BTBD9: variants seen among roughly 807,000 people sequenced by gnomAD.
BTBD9 encodes the protein BTB/POZ domain-containing protein 9.
A neutral mutation model predicts 64.3 loss-of-function variants in BTBD9; 49 were observed. The observed-to-expected ratio is 0.76, with a 90% CI of 0.61 to 0.97. BTBD9 has a LOEUF of 0.97. BTBD9 is among the 50% of genes least tolerant of loss of function. BTBD9 has a pLI of 0.00. For synonymous variants in BTBD9, 260 were observed against 274.7 expected (o/e 0.95, Z 0.53); for missense variants, 598 against 762.1 (o/e 0.78, Z 2.53).
chr6:38,262,505 T>C (rs2127538730), intron 8 of BTBD9, among the ~76,000 whole-genome samples: 1 of 152,250 alleles, frequency 6.6e-6, no homozygotes, highest in Admixed American at 6.5e-5. Flanking sequence ...CAGATGTGAT[T>C]TTGCTTACAT....
At chr6:38,372,863 G>A (rs541915692) in intron 6 of BTBD9, among the ~76,000 whole-genome samples, 20 of 152,246 alleles carry the variant, frequency 1.3e-4, no homozygotes, top group African/African-American at 4.8e-4. Context: ...GTATAGCAAA[G>A]GTCTGTCAAA....
intron 6 of BTBD9, among the ~76,000 whole-genome samples, chr6:38,549,218 T>C (rs2127445637): frequency 6.6e-6 from 1 of 152,354 alleles, no homozygotes; most frequent in African/African-American, 2.4e-5. Flanking sequence ...TAAAACATGA[T>C]GCTAAATCCC....
chr6:38,599,546 G>A (rs1394922842), intron 1 of BTBD9, among the ~76,000 whole-genome samples: 2 of 152,206 alleles, frequency 1.3e-5, no homozygotes, highest in African/African-American at 4.8e-5. Context: ...GTAGTTGATA[G>A]CTCAGAGGTA....
chr6:38,419,384 A>G (rs1302964090), intron 6 of BTBD9, among the ~76,000 whole-genome samples: 1 of 152,246 alleles, frequency 6.6e-6, no homozygotes, highest in Non-Finnish European at 1.5e-5. Context: ...TATGGTATAT[A>G]AACGATATCT....
chr6:38,201,052 C>T (rs889491630), intron 9 of BTBD9, among the ~76,000 whole-genome samples: 1 of 151,542 alleles, frequency 6.6e-6, no homozygotes, highest in Non-Finnish European at 1.5e-5. Context: ...AAAAAAAAAT[C>T]CCAAAACCAA....
At chr6:38,300,328 C>A (rs1354646344) in intron 7 of BTBD9, among the ~76,000 whole-genome samples, 1 of 152,120 alleles carries the variant, frequency 6.6e-6, no homozygotes, top group African/African-American at 2.4e-5. Flanking sequence ...TTAGGATTGA[C>A]TTGGCAATGC....
chr6:38,277,337 CT>C (rs1187253487), intron 8 of BTBD9, among the ~76,000 whole-genome samples: 4,394 of 144,750 alleles, frequency 0.03, 148 homozygotes, highest in African/African-American at 0.091. Context: ...ATTTACAGAA[CT>C]TTTTTTTTTT....
At position 38,288,151 on chromosome 6, in the gene BTBD9, C is replaced by A. The variant is rs545177651; in HGVS notation, c.1454+121G>T. On this transcript the variant is annotated intron_variant, in intron 8 of 10. Coordinates refer to ENST00000481247, the MANE Select transcript of BTBD9 (RefSeq NM_001099272.2). The stretch of plus-strand genomic sequence containing the variant: ...TTCGGCTCCCACTCCTTTCTTGATA[C>A]TTAGAGCAAAGAACAGTAGAATTTC... The A allele has an allele frequency of 7.4e-6, 8 of 1,078,450 alleles. No homozygotes were observed. In the East Asian group the frequency reaches 1.7e-4, roughly 23 times the overall value. The allele number at this position is 1,078,450 out of a possible 1,614,324, so 66.8% of individuals were successfully genotyped here.
rs184138485 is a variant in BTBD9, at chr6:38,623,379, C to T, written c.-28+16421G>A. Among the ~76,000 whole-genome samples, 228 of 152,308 alleles carry T rather than the reference C, an allele frequency of 1.5e-3. 1 individual carries two copies. The highest frequency in any genetic ancestry group is 7.6e-4 in the Non-Finnish European group (52 of 68,026). ...GCCACTGCTACAGGAACCATAATAG[C>T]TAGTTTATCTACTTCATTATCCTAC... On this transcript the variant is annotated intron_variant, in intron 1 of 10. Transcript: ENST00000481247.
intron 6 of BTBD9, among the ~76,000 whole-genome samples, chr6:38,461,886 C>A (rs1184234428): frequency 6.6e-6 from 1 of 152,136 alleles, no homozygotes; most frequent in Non-Finnish European, 1.5e-5. Flanking sequence ...GTAGTGGTAT[C>A]TTATTTTAGC....
chr6:38,529,295 C>T (rs1265557537), intron 6 of BTBD9, among the ~76,000 whole-genome samples: 1 of 152,178 alleles, frequency 6.6e-6, no homozygotes, highest in Non-Finnish European at 1.5e-5. Flanking sequence ...AGAGTCTCCA[C>T]CTGGTAATCC....
At chr6:38,489,844 TTGA>T (rs1460504990) in intron 6 of BTBD9, among the ~76,000 whole-genome samples, 2 of 152,368 alleles carry the variant, frequency 1.3e-5, no homozygotes, top group Non-Finnish European at 2.9e-5. Context: ...CATCTTCTTT[TTGA>T]TGATAAGAGC....
At chr6:38,604,848 A>G (rs1028196904) in intron 1 of BTBD9, among the ~76,000 whole-genome samples, 5 of 152,328 alleles carry the variant, frequency 3.3e-5, no homozygotes, top group Non-Finnish European at 7.3e-5. Flanking sequence ...GAAAGAAAAC[A>G]TTAACACTTA....
Position 38,495,175 on chromosome 6 carries a change from A to G in BTBD9, c.1154+82425T>C, listed in dbSNP as rs546912544. ...GGCCTTGCATCTTGTTTCCACCGCT[A>G]CAGATCAAAACAGGCAAATAACATC... On this transcript the variant is annotated intron_variant, in intron 6 of 10. Transcript: ENST00000481247. Among the ~76,000 whole-genome samples the G allele has an allele frequency of 3.3e-5, 5 of 152,340 alleles. No individual in the cohort carries two copies. In the East Asian group the frequency reaches 9.7e-4, roughly 29 times the overall value.
intron 7 of BTBD9, among the ~76,000 whole-genome samples, chr6:38,340,870 T>C (rs1018650542): frequency 4.6e-5 from 7 of 152,180 alleles, no homozygotes; most frequent in African/African-American, 1.7e-4. Flanking sequence ...TCTGGATAGA[T>C]ACACACAACA....
At chr6:38,410,625 G>A (rs1165549781) in intron 6 of BTBD9, among the ~76,000 whole-genome samples, 1 of 152,166 alleles carries the variant, frequency 6.6e-6, no homozygotes. Context: ...AAGAAAACAT[G>A]AAAATATTAC....
chr6:38,304,926 G>C (rs1203637089), intron 7 of BTBD9, among the ~76,000 whole-genome samples: 1 of 151,646 alleles, frequency 6.6e-6, no homozygotes, highest in African/African-American at 2.4e-5. Flanking sequence ...ACTACAATCT[G>C]ATCTAAACTG....
chr6:38,519,045 C>T (rs985379248), intron 6 of BTBD9, among the ~76,000 whole-genome samples: 1 of 152,178 alleles, frequency 6.6e-6, no homozygotes, highest in African/African-American at 2.4e-5. Flanking sequence ...GCTTTTTGTG[C>T]AGCACTAAAT....
At chr6:38,495,520 A>C (rs1426728987) in intron 6 of BTBD9, among the ~76,000 whole-genome samples, 1 of 152,234 alleles carries the variant, frequency 6.6e-6, no homozygotes, top group Non-Finnish European at 1.5e-5. Context: ...AGAAGACCCA[A>C]AGATGGTTCT....
Sources: gnomAD v4.1 joint callset for allele counts (sites outside exome capture counted in the v4.1 genomes callset) on GRCh38, gnomAD v4.1.1 for gene constraint, MANE v1.5 for transcripts, NCBI Gene and HGNC (gene_info 2026-07-23, HGNC 2026-07-21) for gene names.